The following PCDHGA3 variants were observed in gnomAD, a reference collection of about 807,000 sequenced individuals.
The protein encoded by PCDHGA3 is protocadherin gamma subfamily A, 3.
Under a neutral mutation model 58.5 loss-of-function variants are expected in PCDHGA3, and 40 were observed. The ratio of observed to expected loss-of-function variants is 0.68; its 90% confidence interval spans 0.53 to 0.89. The LOEUF is 0.89. Among genes scored for constraint, PCDHGA3 ranks in the 40% least tolerant of loss-of-function variants. The probability of loss-of-function intolerance (pLI) is 0.00; values close to 1 mark genes in which losing one functional copy is unlikely to be tolerated. For synonymous variants in PCDHGA3, 530 were observed against 525.7 expected (o/e 1.01, Z -0.11); for missense variants, 1,223 against 1,195.9 (o/e 1.02, Z -0.33).
chr5:141,491,794 TCCGG>T lies in PCDHGA3; in HGVS notation c.2425-3007_2425-3004del. The T allele has an allele frequency of 6.6e-7, 1 of 1,511,056 alleles. No homozygotes were observed. The highest frequency in any genetic ancestry group is 8.8e-7 in the Non-Finnish European group (1 of 1,130,146). 93.6% of individuals were successfully genotyped at this position (1,511,056 alleles called of 1,614,324 possible). A position where few individuals can be genotyped will look rare whatever the true frequency, so the allele number is the denominator to read the frequency against. Reference sequence around the variant, plus strand: ...GGGATTGAACTTGCATCCACTCCTCTCCGGCCGGCTTGGTCGCTGGCTGCGCTCC... The same window carrying T: ...GGGATTGAACTTGCATCCACTCCTCTCCGGCTTGGTCGCTGGCTGCGCTCC... On this transcript the variant is annotated intron_variant, in intron 1 of 3. Transcript: ENST00000253812. The surrounding 1 kb of genome is among the most constrained non-coding windows in gnomAD (Gnocchi z 6.9).
chr5:141,419,214 T>C lies in PCDHGA3; in HGVS notation c.2424+72757T>C. On this transcript the variant is annotated intron_variant, in intron 1 of 3. Coordinates refer to ENST00000253812, the MANE Select transcript of PCDHGA3 (RefSeq NM_018916.4). ...GACGTCAATGACAACGCGCCGGTTT[T>C]CGGACAGTCAGCCTACCTGGTCCAC... 1.9e-6 allele frequency: 3 copies of C among 1,613,986 alleles called. No individual in the cohort carries two copies. In the South Asian group the frequency reaches 3.3e-5, roughly 18 times the overall value.
intron 1 of PCDHGA3, chr5:141,372,225 G>A (rs1326941167): frequency 6.8e-6 from 11 of 1,613,368 alleles, no homozygotes; most frequent in Non-Finnish European, 9.3e-6. Context: ...CATTGTGCAG[G>A]CCAGCGAGCC....
At chr5:141,430,392 A>G (rs2097281137) in intron 1 of PCDHGA3, among the ~76,000 whole-genome samples, 1 of 152,136 alleles carries the variant, frequency 6.6e-6, no homozygotes, top group Non-Finnish European at 1.5e-5. Context: ...GGAAAAAAAA[A>G]AAAAGCTCAC....
intron 1 of PCDHGA3, chr5:141,421,678 G>C (rs903229017): frequency 3.7e-6 from 6 of 1,613,776 alleles, no homozygotes; most frequent in Non-Finnish European, 5.1e-6. Context: ...AATTCCTGGG[G>C]CGCGATTTGC....
chr5:141,399,682 G>C, intron 1 of PCDHGA3: 2 of 1,613,512 alleles, frequency 1.2e-6, no homozygotes, highest in Non-Finnish European at 1.7e-6. Context: ...CTTTGACTAC[G>C]AGCAGCTGCG....
intron 2 of PCDHGA3, among the ~76,000 whole-genome samples, chr5:141,496,410 A>G (rs77823969): frequency 0.019 from 2,839 of 152,308 alleles, 40 homozygotes; most frequent in Middle Eastern, 0.082. Context: ...ATGGTTGAGT[A>G]CTTGCTGTCC....
chr5:141,481,924 A>G (rs1189494301), intron 1 of PCDHGA3, among the ~76,000 whole-genome samples: 1 of 151,648 alleles, frequency 6.6e-6, no homozygotes, highest in Non-Finnish European at 1.5e-5. Context: ...AAAAAAAAAA[A>G]AAAAAAAAAA....
chr5:141,490,181 G>T lies in PCDHGA3; in HGVS notation c.2425-4626G>T, dbSNP rs755899660. ...GGTCCCATAGACTTTGAGGAGTCAC[G>T]TTTCTATGAAATTCATGCAAGAGCC... is the stretch of plus-strand genomic sequence containing the variant. On this transcript the variant is annotated intron_variant, in intron 1 of 3. Coordinates refer to ENST00000253812, the MANE Select transcript of PCDHGA3 (RefSeq NM_018916.4). The surrounding 1 kb of genome is among the most constrained non-coding windows in gnomAD (Gnocchi z 5.4). The T allele has an allele frequency of 6.2e-7, 1 of 1,614,200 alleles. No individual in the cohort carries two copies. The highest frequency in any genetic ancestry group is 8.5e-7 in the Non-Finnish European group (1 of 1,180,030).
At chr5:141,393,664 T>G in intron 1 of PCDHGA3, 1 of 1,613,772 alleles carries the variant, frequency 6.2e-7, no homozygotes, top group Non-Finnish European at 8.5e-7. Flanking sequence ...TTCCGGAAAA[T>G]TAATGAAAAA....
intron 1 of PCDHGA3, chr5:141,382,794 C>T (rs764593779): frequency 9.0e-5 from 88 of 974,042 alleles, no homozygotes; most frequent in Admixed American, 2.4e-5. Context: ...CTCTATCCTG[C>T]TGGATTCTGA....
At chr5:141,503,620 A>C (rs1475731896) in intron 2 of PCDHGA3, among the ~76,000 whole-genome samples, 1 of 152,026 alleles carries the variant, frequency 6.6e-6, no homozygotes, top group East Asian at 1.9e-4. Flanking sequence ...AAAAAGAAAA[A>C]AGAAAAGAAA....
intron 1 of PCDHGA3, chr5:141,403,339 C>T (rs2094393588): frequency 1.2e-6 from 2 of 1,613,892 alleles, no homozygotes; most frequent in Admixed American, 1.7e-5. Context: ...TTAACGACAG[C>T]GCCCCAAAGT....
chr5:141,456,236 T>G (rs1299029934), intron 1 of PCDHGA3, among the ~76,000 whole-genome samples: 1 of 152,120 alleles, frequency 6.6e-6, no homozygotes, highest in African/African-American at 2.4e-5. Flanking sequence ...TAACTGCTGT[T>G]AGGAGGCTTT....
intron 1 of PCDHGA3, chr5:141,393,145 A>G (rs2092690678): frequency 6.2e-7 from 1 of 1,613,324 alleles, no homozygotes; most frequent in Non-Finnish European, 8.5e-7. Context: ...ACCCTGGTTG[A>G]GGATAAAGGA....
chr5:141,422,919 G>C (rs1445179310), intron 1 of PCDHGA3: 9 of 1,614,120 alleles, frequency 5.6e-6, no homozygotes, highest in Non-Finnish European at 6.8e-6. Context: ...CCGAGATCCT[G>C]TACCCTGCCC....
In PCDHGA3 at chr5:141,384,330, G is replaced by A. The variant is rs758151138; in HGVS notation, c.2424+37873G>A. 44 of 1,613,830 alleles carry A rather than the reference G, an allele frequency of 2.7e-5. No individual in the cohort carries two copies. The African/African-American group carries it at 2.8e-4, about 10-fold the overall frequency. On this transcript the variant is annotated intron_variant, in intron 1 of 3. Coordinates refer to ENST00000253812, the MANE Select transcript of PCDHGA3 (RefSeq NM_018916.4). ...CCTCCATTTTCTTAGTGACTGCACA[G>A]GACCACGACAGTGAGGATAATGCCC...
Position 141,490,102 on chromosome 5 carries a change from G to A in PCDHGA3, c.2425-4705G>A, listed in dbSNP as rs377649214. On this transcript the variant is annotated intron_variant, in intron 1 of 3. Coordinates refer to ENST00000253812, the MANE Select transcript of PCDHGA3 (RefSeq NM_018916.4). The surrounding 1 kb of genome is among the most constrained non-coding windows in gnomAD (Gnocchi z 5.4). ...TTCTTTTGGAGACCACACATCTGAG[G>A]CAGTGCGGAACCTCTTTGGCCTAGA... 4.3e-6 allele frequency: 7 copies of A among 1,614,144 alleles called. No homozygotes were observed. The African/African-American group carries it at 9.3e-5, about 22-fold the overall frequency.
At chr5:141,446,595 GCCTCC>G (rs2098508132) in intron 1 of PCDHGA3, among the ~76,000 whole-genome samples, 2 of 152,012 alleles carry the variant, frequency 1.3e-5, no homozygotes, top group South Asian at 4.1e-4. Context: ...TTCTGCCTCA[GCCTCC>G]TGAGTAGCTG....
At chr5:141,365,386 G>T (rs115453161) in intron 1 of PCDHGA3, 2 of 1,613,816 alleles carry the variant, frequency 1.2e-6, no homozygotes, top group African/African-American at 1.3e-5. Context: ...TCACCTCTCT[G>T]ACCAGTTCGA....
Sources: allele counts gnomAD v4.1 joint callset (sites outside exome capture counted in the v4.1 genomes callset), GRCh38; gene constraint gnomAD v4.1.1; non-coding constraint Gnocchi (gnomAD v3.1); transcripts MANE v1.5; gene names NCBI Gene and HGNC (gene_info 2026-07-23, HGNC 2026-07-21).